BCAS3: variants seen among roughly 807,000 people sequenced by gnomAD.
The protein encoded by BCAS3 is BCAS4/BCAS3 fusion.
In BCAS3, 53 loss-of-function variants were observed where a neutral mutation model predicts 116.1. That is an observed-to-expected ratio of 0.46 (90% CI 0.37 to 0.57). The LOEUF (loss-of-function observed/expected upper bound fraction) is 0.57. Among genes scored for constraint, BCAS3 ranks in the 20% least tolerant of loss-of-function variants. BCAS3 has a pLI of 0.00. For missense variants in BCAS3, 917 were observed against 1,165.4 expected (o/e 0.79, Z 3.10); for synonymous variants, 391 against 408.2 (o/e 0.96, Z 0.51).
chr17:61,141,227 G>T lies in BCAS3; in HGVS notation c.2425+56663G>T, dbSNP rs2076899637. Among the ~76,000 whole-genome samples the T allele has an allele frequency of 6.6e-6, 1 of 152,050 alleles. No homozygotes were observed. The highest frequency in any genetic ancestry group is 2.1e-4 in the South Asian group (1 of 4,820). ...CAAGGGGCCTTTACATTCATATGTA[G>T]GGCATTTGGTTGCTTAAATATTGAA... On this transcript the variant is annotated intron_variant, in intron 22 of 23. Coordinates refer to ENST00000407086, the MANE Select transcript of BCAS3 (RefSeq NM_017679.5). The surrounding 1 kb of genome is among the most constrained non-coding windows in gnomAD (Gnocchi z 4.3).
intron 14 of BCAS3, among the ~76,000 whole-genome samples, chr17:60,976,955 C>A (rs529811178): frequency 6.6e-6 from 1 of 152,300 alleles, no homozygotes; most frequent in South Asian, 2.1e-4. Context: ...CTGTTGGATA[C>A]ACCTCCCAGA....
At chr17:61,086,614 G>A in intron 22 of BCAS3, 1 of 884,390 alleles carries the variant, frequency 1.1e-6, no homozygotes, top group Non-Finnish European at 1.4e-6. Flanking sequence ...AGTTTCGATG[G>A]CATTGACCCT....
At chr17:61,345,190 G>A (rs1226577141) in intron 22 of BCAS3, among the ~76,000 whole-genome samples, 2 of 152,212 alleles carry the variant, frequency 1.3e-5, no homozygotes, top group East Asian at 3.9e-4. Context: ...GGGAAGAGCT[G>A]TTCTCTTGTT....
intron 14 of BCAS3, among the ~76,000 whole-genome samples, chr17:60,974,569 T>C (rs556909570): frequency 6.6e-6 from 1 of 152,320 alleles, no homozygotes; most frequent in East Asian, 1.9e-4. Context: ...ATGACTACAG[T>C]ACGTTTTAAA....
chr17:61,074,916 A>G lies in BCAS3; in HGVS notation c.2030-4A>G, dbSNP rs767394065. ...GGTTTAAATCTATTTTCTTTCTCCT[A>G]TAGTGGTTCCCCCTGGAAGTCCTGG... On this transcript the variant is annotated splice_region_variant and splice_polypyrimidine_tract_variant and intron_variant, in intron 19 of 23. Coordinates refer to ENST00000407086, the MANE Select transcript of BCAS3 (RefSeq NM_017679.5). 9.3e-6 allele frequency: 15 copies of G among 1,604,338 alleles called. No individual in the cohort carries two copies. The highest frequency in any genetic ancestry group is 1.1e-5 in the Non-Finnish European group (13 of 1,172,272).
rs1455171558 is a variant in BCAS3, at chr17:61,380,917, A to C, written c.2594-11060A>C. On this transcript the variant is annotated intron_variant, in intron 23 of 23. Transcript: ENST00000407086. The surrounding 1 kb of genome is among the most constrained non-coding windows in gnomAD (Gnocchi z 4.2). The stretch of plus-strand genomic sequence containing the variant: ...TCTTGTAGTGCGTCTATTAGTGAGT[A>C]ATTTGATTTGTACCTATTCATTTGC... Among the ~76,000 whole-genome samples the C allele has an allele frequency of 6.6e-6, 1 of 152,218 alleles. No homozygotes were observed. Among genetic ancestry groups the C allele is most frequent in the African/African-American group, 2.4e-5 (1 of 41,456 alleles).
intron 22 of BCAS3, among the ~76,000 whole-genome samples, chr17:61,301,657 C>A (rs1602528079): frequency 6.6e-6 from 1 of 152,274 alleles, no homozygotes; most frequent in Middle Eastern, 3.4e-3. Flanking sequence ...AGACTGATTT[C>A]TCTTGGTTAC....
chr17:60,897,642 C>A (rs1337570561), intron 10 of BCAS3, among the ~76,000 whole-genome samples: 2 of 151,936 alleles, frequency 1.3e-5, no homozygotes, highest in Non-Finnish European at 2.9e-5. Context: ...TGGATTGTTT[C>A]AAAAGATCTG....
At chr17:60,705,238 G>A (rs1479516621) in intron 4 of BCAS3, among the ~76,000 whole-genome samples, 1 of 152,196 alleles carries the variant, frequency 6.6e-6, no homozygotes, top group South Asian at 2.1e-4. Context: ...ATGAAAGAGG[G>A]CCGGGCATGG....
chr17:60,992,579 C>T (rs529614403), intron 15 of BCAS3, among the ~76,000 whole-genome samples: 6 of 152,216 alleles, frequency 3.9e-5, no homozygotes, highest in African/African-American at 1.4e-4. Flanking sequence ...TTGGGTACTA[C>T]GCTCACTACG....
At position 60,855,315 on chromosome 17, in the gene BCAS3, C is replaced by G. The variant is rs370378448; in HGVS notation, c.477-13261C>G. ...CCTTCTTACTCTGGTGGTTCGTGTG[C>G]TAGTTGCATGTGTAGTTTTATAAGA... On this transcript the variant is annotated intron_variant, in intron 7 of 23. Transcript: ENST00000407086. Among the ~76,000 whole-genome samples, 49 of 151,032 alleles carry G rather than the reference C, an allele frequency of 3.2e-4. No homozygotes were observed. In the East Asian group the frequency reaches 8.8e-3, roughly 27 times the overall value.
At position 61,202,251 on chromosome 17, in the gene BCAS3, C is replaced by A. The variant is rs566963402; in HGVS notation, c.2425+117687C>A. ...CTCCCGGGTTCACGCCGTTCTCCTG[C>A]CTCAGCCTCCTGAGTAGCTGGGACT... On this transcript the variant is annotated intron_variant, in intron 22 of 23. Transcript: ENST00000407086. 4.0e-5 allele frequency among the ~76,000 whole-genome samples: 6 copies of A among 151,366 alleles called. No individual in the cohort carries two copies. The South Asian group carries it at 1.3e-3, about 32-fold the overall frequency.
chr17:60,745,407 G>A (rs549893831), intron 5 of BCAS3, among the ~76,000 whole-genome samples: 1 of 151,958 alleles, frequency 6.6e-6, no homozygotes, highest in African/African-American at 2.4e-5. Context: ...GGTGGAAATA[G>A]CCAATAACAC....
At chr17:60,820,673 A>G (rs1052763030) in intron 7 of BCAS3, among the ~76,000 whole-genome samples, 3 of 152,184 alleles carry the variant, frequency 2.0e-5, no homozygotes, top group South Asian at 4.1e-4. Flanking sequence ...AAAGTAAAAG[A>G]TTTTACCTAA....
chr17:60,868,480 T>A, intron 7 of BCAS3, 96 bp from the exon 8 acceptor site: 2 of 599,844 alleles, frequency 3.3e-6, no homozygotes, highest in Non-Finnish European at 5.1e-6. Context: ...ATCTTGTTAA[T>A]CAGAGGTTTG....
chr17:61,149,144 GAA>G (rs1005069265), intron 22 of BCAS3, among the ~76,000 whole-genome samples: 25 of 152,014 alleles, frequency 1.6e-4, no homozygotes, highest in African/African-American at 5.5e-4. Context: ...GACCTTGCCA[GAA>G]AGAGATATCA....
intron 22 of BCAS3, among the ~76,000 whole-genome samples, chr17:61,296,717 T>C (rs1198181922): frequency 6.6e-6 from 1 of 152,204 alleles, no homozygotes; most frequent in East Asian, 1.9e-4. Context: ...GGAAAAATTA[T>C]TGACTAAACC....
intron 7 of BCAS3, among the ~76,000 whole-genome samples, chr17:60,840,261 A>C (rs2051776835): frequency 6.6e-6 from 1 of 152,186 alleles, no homozygotes; most frequent in Non-Finnish European, 1.5e-5. Flanking sequence ...TTCATCAAGC[A>C]TAAAAGATCC....
chr17:61,296,397 G>T (rs1602490370), intron 22 of BCAS3, among the ~76,000 whole-genome samples: 1 of 152,182 alleles, frequency 6.6e-6, no homozygotes, highest in East Asian at 1.9e-4. Context: ...TGGTTCCAAG[G>T]CAGGCAGTAA....
Sources: gnomAD v4.1 joint callset for allele counts (sites outside exome capture counted in the v4.1 genomes callset) on GRCh38, gnomAD v4.1.1 for gene constraint, Gnocchi (gnomAD v3.1) non-coding constraint, MANE v1.5 for transcripts, NCBI Gene and HGNC (gene_info 2026-07-23, HGNC 2026-07-21) for gene names.